SNED1: variants seen among roughly 807,000 people sequenced by gnomAD.
SNED1 encodes the protein sushi, nidogen and EGF-like domain-containing protein 1.
SNED1 carries 81 observed loss-of-function variants against 166.7 expected under a neutral mutation model. The observed-to-expected ratio is 0.49, with a 90% CI of 0.41 to 0.58. The LOEUF (loss-of-function observed/expected upper bound fraction) is 0.58, where lower values mean the gene tolerates loss of function less well. Among genes scored for constraint, SNED1 ranks in the 20% least tolerant of loss-of-function variants. SNED1 has a pLI of 0.00. For missense variants in SNED1, 1,604 were observed against 2,000.2 expected (o/e 0.80, Z 3.78); for synonymous variants, 762 against 822.0 (o/e 0.93, Z 1.25).
At chr2:241,052,261 G>A (rs2125106126) in intron 14 of SNED1, 94 bp from the exon 15 acceptor site, 1 of 1,438,994 alleles carries the variant, frequency 6.9e-7, no homozygotes, top group African/African-American at 1.4e-5. Context: ...TGGAGGCGCA[G>A]GAGGTGGAGC....
chr2:241,011,837 C>T (rs1258578161), intron 1 of SNED1, among the ~76,000 whole-genome samples: 1 of 152,210 alleles, frequency 6.6e-6, no homozygotes, highest in Admixed American at 6.5e-5. Flanking sequence ...AAAGGAAGTC[C>T]CGCGGGCCTC....
At chr2:241,058,082 C>A (rs1261065604) in intron 16 of SNED1, among the ~76,000 whole-genome samples, 3 of 151,792 alleles carry the variant, frequency 2.0e-5, no homozygotes, top group South Asian at 4.2e-4. Context: ...TAAGACTATA[C>A]AAAGAATGAA....
intron 1 of SNED1, among the ~76,000 whole-genome samples, chr2:241,007,307 C>T (rs895846412): frequency 1.1e-4 from 16 of 152,328 alleles, no homozygotes; most frequent in Admixed American, 4.6e-4. Flanking sequence ...GGCCAAACCG[C>T]GTTCTCCCAG....
Position 241,067,834 on chromosome 2 carries a change from G to A in SNED1, c.3081G>A (p.Leu1027=), listed in dbSNP as rs1425749767. ...GCACCATCTCAGTGCAGTGGGCCCT[G>A]CACAGGATCCGCCATGCCACCGTCA... is the stretch of plus-strand genomic sequence containing the variant. ...TASTISVQWA[L]HRIRHATVSG... Residue 1027 remains leucine, a synonymous_variant, in exon 22 of 32, where the codon CTG becomes CTA. Coordinates refer to ENST00000310397, the MANE Select transcript of SNED1 (RefSeq NM_001080437.3). The A allele has an allele frequency of 6.2e-7, 1 of 1,613,496 alleles. No homozygotes were observed.
rs1339157651 is a variant in SNED1 at position 240,998,686 on chromosome 2, C to A, written c.-152C>A. ...GCGGCGAGAGCGCGGCCCGGCCGAA[C>A]GGGCGCGGGACGCGGAGCCCCCGAC... is the stretch of plus-strand genomic sequence containing the variant. On this transcript the variant is annotated 5_prime_UTR_variant, in exon 1 of 32. Transcript: ENST00000310397. 6.7e-6 allele frequency among the ~76,000 whole-genome samples: 1 copy of A among 148,862 alleles called. No individual in the cohort carries two copies. Among genetic ancestry groups the A allele is most frequent in the Non-Finnish European group, 1.5e-5 (1 of 66,882 alleles).
chr2:241,002,288 A>T (rs1391213033), intron 1 of SNED1, among the ~76,000 whole-genome samples: 1 of 152,082 alleles, frequency 6.6e-6, no homozygotes, highest in African/African-American at 2.4e-5. Flanking sequence ...AGGCCTGCGC[A>T]TGAGTGGATC....
chr2:241,052,786 AGGCAGGTAAGGCCTGGGGGGC>A (rs1559270015), intron 15 of SNED1, among the ~76,000 whole-genome samples: 2,050 of 116,234 alleles, frequency 0.018, 99 homozygotes, highest in East Asian at 0.1. Context: ...TGCTGGTGTC[AGGCAGGTAAGGCCTGGGGGGC>A]CCAAGCAGGG....
chr2:241,053,457 C>T lies in SNED1; in HGVS notation c.2257+131C>T, dbSNP rs1334404628. 4.6e-6 allele frequency: 4 copies of T among 875,004 alleles called. 1 individual carries two copies. The highest frequency in any genetic ancestry group is 2.9e-5 in the Admixed American group (1 of 35,044). The allele number at this position is 875,004 out of a possible 1,614,324, so 54.2% of individuals were successfully genotyped here. A position where few individuals can be genotyped will look rare whatever the true frequency, so the allele number is the denominator to read the frequency against. ...TCTGACCTGGTCCTGCCCCTGCTCC[C>T]CTCAGTCTCCTGTCTGTGAATGTGG... On this transcript the variant is annotated intron_variant, in intron 16 of 31. Transcript: ENST00000310397.
rs1018988600 is a variant in SNED1 at position 241,087,682 on chromosome 2, C to G, written c.4205+207C>G. ...GTGAGCATACCCAGAGGGGCACAGC[C>G]GGGCATGCTGGGTGCTGGGGGGGGT... On this transcript the variant is annotated intron_variant, in intron 30 of 31. Transcript: ENST00000310397. The G allele has an allele frequency of 4.4e-6, 6 of 1,365,098 alleles. No individual in the cohort carries two copies. The South Asian group carries it at 1.1e-4, about 26-fold the overall frequency. 84.6% of individuals were successfully genotyped at this position (1,365,098 alleles called of 1,614,324 possible).
intron 20 of SNED1, 111 bp from the exon 21 acceptor site, chr2:241,065,188 T>C (rs2062387961): frequency 2.7e-6 from 3 of 1,128,720 alleles, no homozygotes; most frequent in Admixed American, 2.3e-5. Context: ...CTGCCAGCGA[T>C]GGCTGTGTCA....
In SNED1 at chr2:241,094,847, TG is replaced by T. The variant is rs937921037; in HGVS notation, c.*3212del. 6.1e-6 allele frequency: 1 copy of T among 164,014 alleles called. No homozygotes were observed. Among genetic ancestry groups the T allele is most frequent in the African/African-American group, 2.4e-5 (1 of 41,478 alleles). 10.2% of individuals were successfully genotyped at this position (164,014 alleles called of 1,614,324 possible). On this transcript the variant is annotated 3_prime_UTR_variant, in exon 32 of 32. Transcript: ENST00000310397. This position sits in a 1 kb window ranked among gnomAD's most constrained non-coding sequence, Gnocchi z 4.3. ...TGAATTTTGGTCCCATCATCAAAAA[TG>T]CCTTCTGCATCAATCCTATGCCAGT...
In SNED1 at chr2:241,051,400, T is replaced by A. The variant is rs951789090; in HGVS notation, c.1736-344T>A. ...TGAGACTCAGCTGCTTCCTGTCAGA[T>A]GGGGAATGCCCGTGTGCAGGAGGGA... is the stretch of plus-strand genomic sequence containing the variant. On this transcript the variant is annotated intron_variant, in intron 12 of 31. Coordinates refer to ENST00000310397, the MANE Select transcript of SNED1 (RefSeq NM_001080437.3). The surrounding 1 kb of genome is among the most constrained non-coding windows in gnomAD (Gnocchi z 4.7). 1.7e-5 allele frequency: 4 copies of A among 241,462 alleles called. No homozygotes were observed. The highest frequency in any genetic ancestry group is 3.2e-5 in the Non-Finnish European group (4 of 126,308). The allele number at this position is 241,462 out of a possible 1,614,324, so 15.0% of individuals were successfully genotyped here. A position where few individuals can be genotyped will look rare whatever the true frequency, so the allele number is the denominator to read the frequency against.
chr2:241,031,416 C>T (rs1227263281), intron 2 of SNED1, among the ~76,000 whole-genome samples: 3 of 152,194 alleles, frequency 2.0e-5, no homozygotes, highest in Non-Finnish European at 4.4e-5. Context: ...CCGCCCACCT[C>T]GGCCTCCTAA....
intron 1 of SNED1, among the ~76,000 whole-genome samples, chr2:241,011,426 G>A (rs555461932): frequency 6.6e-6 from 1 of 152,112 alleles, no homozygotes; most frequent in South Asian, 2.1e-4. Flanking sequence ...GCCCTCAGCA[G>A]GTGTCTGAGG....
At chr2:241,071,395 G>C in intron 24 of SNED1, 181 bp from the exon 25 acceptor site, 1 of 670,402 alleles carries the variant, frequency 1.5e-6, no homozygotes, top group Middle Eastern at 4.1e-4. Context: ...GGGTGGGCTG[G>C]AAGGGAACCC....
chr2:241,051,768 G>A lies in SNED1; in HGVS notation c.1760G>A (p.Gly587Glu). The A allele has an allele frequency of 6.5e-7, 1 of 1,541,822 alleles. No individual in the cohort carries two copies. The highest frequency in any genetic ancestry group is 1.4e-5 in the African/African-American group (1 of 73,266). ...EKARPHLCSS[G>E]PCRNGGTCKE... ...GCCCGGCCACACCTGTGCAGCTCAG[G>A]GCCCTGCCGGAACGGGGGCACGTGC... The change falls in exon 13 of 32, where the codon GGG becomes GAG. Residue 587 changes from glycine (G) to glutamate (E), a missense_variant. Physicochemically the swap from Gly to Glu is moderately conservative, Grantham distance 98. This residue lies in a region of SNED1 where 1,237 missense variants were observed against 1,620.8 expected (regional missense o/e 0.76). Coordinates refer to ENST00000310397, the MANE Select transcript of SNED1 (RefSeq NM_001080437.3). This position sits in a 1 kb window ranked among gnomAD's most constrained non-coding sequence, Gnocchi z 4.7.
intron 1 of SNED1, among the ~76,000 whole-genome samples, chr2:241,019,416 G>A (rs1217455653): frequency 6.6e-6 from 1 of 152,246 alleles, no homozygotes; most frequent in East Asian, 1.9e-4. Context: ...CAGCGGTATA[G>A]CCAGGGCAGG....
rs1250583448 is a variant in SNED1, at chr2:241,064,145, T to C, written c.2599+20T>C. The C allele has an allele frequency of 7.5e-6, 11 of 1,464,032 alleles. No homozygotes were observed. The highest frequency in any genetic ancestry group is 1.0e-5 in the Non-Finnish European group (11 of 1,090,650). The allele number at this position is 1,464,032 out of a possible 1,614,324, so 90.7% of individuals were successfully genotyped here. ...AGACAGGTAGGGCGGCAGGCCTGCC[T>C]GCTCCCCGCCCTCTGCCCGCCTGCT... On this transcript the variant is annotated intron_variant, in intron 19 of 31. Transcript: ENST00000310397. This position sits in a 1 kb window ranked among gnomAD's most constrained non-coding sequence, Gnocchi z 7.0.
chr2:241,076,766 G>A (rs948438130), intron 27 of SNED1, among the ~76,000 whole-genome samples: 6 of 150,596 alleles, frequency 4.0e-5, no homozygotes, highest in East Asian at 2.0e-4. Context: ...GGCCGGGCGC[G>A]GGGGCTCACG....
Sources: gnomAD v4.1 joint callset for allele counts (sites outside exome capture counted in the v4.1 genomes callset) on GRCh38, gnomAD v4.1.1 for gene constraint, gnomAD v4.1.1 regional missense constraint, Gnocchi (gnomAD v3.1) non-coding constraint, MANE v1.5 for transcripts, NCBI Gene and HGNC (gene_info 2026-07-23, HGNC 2026-07-21) for gene names.